GOLGA3: variants seen among roughly 807,000 people sequenced by gnomAD.
The protein encoded by GOLGA3 is golgin A3.
Under a neutral mutation model 169.4 loss-of-function variants are expected in GOLGA3, and 75 were observed. That is an observed-to-expected ratio of 0.44 (90% confidence interval 0.37 to 0.54). The LOEUF is 0.54. GOLGA3 is among the 20% of genes least tolerant of loss of function. The probability of loss-of-function intolerance (pLI) is 0.00; values close to 1 mark genes in which losing one functional copy is unlikely to be tolerated. For synonymous variants in GOLGA3, 824 were observed against 822.4 expected (o/e 1.00, Z -0.03); for missense variants, 1,899 against 1,930.0 (o/e 0.98, Z 0.30).
In GOLGA3 at chr12:132,786,785, C is replaced by A. The variant is rs372071151; in HGVS notation, c.2814G>T (p.Ser938=). The A allele has an allele frequency of 6.2e-7, 1 of 1,606,892 alleles. No homozygotes were observed. Among genetic ancestry groups the A allele is most frequent in the African/African-American group, 1.3e-5 (1 of 74,706 alleles). ...CCATCTGCTCCTTATCGAACTGCAA[C>A]GACTGTGGAAGGGAAGGAGGGCGTG... is the stretch of plus-strand genomic sequence containing the variant. The part of the protein sequence containing the change: ...ERDEMETHLQ[S]LQFDKEQMVA... Residue 938 remains serine, a splice_region_variant and synonymous_variant, in exon 14 of 24, where the codon TCG becomes TCT. Transcript: ENST00000450791.
chr12:132,774,720 T>G (rs1030685071), intron 22 of GOLGA3: 9 of 424,320 alleles, frequency 2.1e-5, no homozygotes, highest in Non-Finnish European at 3.4e-5. Flanking sequence ...TTTCCACAGA[T>G]AAGCACACGA....
chr12:132,798,185 G>T (rs1233180531), intron 9 of GOLGA3, among the ~76,000 whole-genome samples, 155 bp downstream of exon 9: 3 of 133,566 alleles, frequency 2.2e-5, no homozygotes, highest in Non-Finnish European at 4.9e-5. Flanking sequence ...GGGGTGGGGG[G>T]GGGGTCCCAA....
At chr12:132,783,128 G>A (rs1012392593) in intron 16 of GOLGA3, among the ~76,000 whole-genome samples, 3 of 151,896 alleles carry the variant, frequency 2.0e-5, no homozygotes, top group African/African-American at 7.3e-5. Context: ...CCTGGGAAGT[G>A]GAGGCTGTGG....
At position 132,768,981 on chromosome 12, in the gene GOLGA3, A is replaced by T. The variant is rs747126180; in HGVS notation, c.*4124T>A. 4 of 152,682 alleles carry T rather than the reference A, an allele frequency of 2.6e-5. No homozygotes were observed. Among genetic ancestry groups the T allele is most frequent in the Non-Finnish European group, 5.9e-5 (4 of 68,046 alleles). 9.5% of individuals were successfully genotyped at this position (152,682 alleles called of 1,614,324 possible). ...CCCAAGCACACTTACATTTGTAAAAAATCAACGTGCTTTTTAAAGTTACAC... is the reference window on the plus strand; with the variant it reads ...CCCAAGCACACTTACATTTGTAAAATATCAACGTGCTTTTTAAAGTTACAC... On this transcript the variant is annotated 3_prime_UTR_variant, in exon 24 of 24. Transcript: ENST00000450791.
chr12:132,826,240 CA>C (rs752535211), intron 1 of GOLGA3: 77,356 of 704,534 alleles, frequency 0.11, 2 homozygotes, highest in East Asian at 0.18. Context: ...TCTCATTCTC[CA>C]AAAAAAAAAA....
chr12:132,807,859 C>T, intron 5 of GOLGA3, 32 bp downstream of exon 5: 4 of 899,326 alleles, frequency 4.4e-6, no homozygotes, highest in Non-Finnish European at 6.4e-6. Flanking sequence ...CCCACCTCCA[C>T]CCACCCCGCC....
intron 18 of GOLGA3, among the ~76,000 whole-genome samples, chr12:132,779,503 G>A (rs1458826460): frequency 6.6e-6 from 1 of 152,208 alleles, no homozygotes; most frequent in Non-Finnish European, 1.5e-5. Flanking sequence ...CTTAAAGGTT[G>A]TGGCAAAGCC....
rs565525712 is a variant in GOLGA3, at chr12:132,789,056, C to T, written c.2782G>A (p.Glu928Lys). 3 of 1,592,530 alleles carry T rather than the reference C, an allele frequency of 1.9e-6. No homozygotes were observed. The African/African-American group carries it at 4.0e-5, about 21-fold the overall frequency. ...LEGHLQSAQK[E>K]RDEMETHLQS... The stretch of plus-strand genomic sequence containing the variant: ...AAGTGTGTTTCCATCTCGTCTCGCT[C>T]CTTCTGCGCCGACTGGAGATGCCCT... Residue 928 changes from glutamate (E) to lysine (K), a missense_variant, in exon 13 of 24, where the codon GAG (glutamate) becomes AAG (lysine). Transcript: ENST00000450791.
intron 11 of GOLGA3, among the ~76,000 whole-genome samples, chr12:132,795,470 T>C (rs1235288018): frequency 6.7e-6 from 1 of 148,906 alleles, no homozygotes; most frequent in Non-Finnish European, 1.5e-5. Flanking sequence ...CTACTACAAA[T>C]ACAAAAATTA....
intron 20 of GOLGA3, 21 bp downstream of exon 20, chr12:132,776,937 C>G (rs370707866): frequency 5.1e-5 from 80 of 1,562,794 alleles, no homozygotes; most frequent in Non-Finnish European, 6.8e-5. Flanking sequence ...CCCTGCAAGT[C>G]CAGCCCCCGT....
chr12:132,824,132 G>A lies in GOLGA3; in HGVS notation c.-183-1821C>T, dbSNP rs535499813. Among the ~76,000 whole-genome samples the A allele has an allele frequency of 7.2e-5, 11 of 152,276 alleles. No homozygotes were observed. In the South Asian group the frequency reaches 1.9e-3, roughly 26 times the overall value. ...AGAGAAGCCCACGTGGCTGGTCCTC[G>A]AGAGCATGTGTGTCACTGACCCCGC... On this transcript the variant is annotated intron_variant, in intron 1 of 23. Transcript: ENST00000450791.
In GOLGA3 at chr12:132,784,313, G is replaced by T. The variant is rs956787496; in HGVS notation, c.3124-6C>A. ...TCCAGGGCCTGGATCCTTTCCTAAG[G>T]GCCAAGATGGAACGGGCGCTTGGTC... On this transcript the variant is annotated splice_region_variant and splice_polypyrimidine_tract_variant and intron_variant, in intron 15 of 23. Transcript: ENST00000450791. 6.2e-7 allele frequency: 1 copy of T among 1,602,682 alleles called. No homozygotes were observed. The highest frequency in any genetic ancestry group is 1.7e-4 in the Middle Eastern group (1 of 6,036).
At chr12:132,806,038 G>A (rs903068257) in intron 6 of GOLGA3, among the ~76,000 whole-genome samples, 2 of 152,190 alleles carry the variant, frequency 1.3e-5, no homozygotes, top group South Asian at 4.1e-4. Context: ...GCAGAGAATC[G>A]CCAGAGGAAA....
At chr12:132,818,601 G>A (rs1950087718) in intron 2 of GOLGA3, among the ~76,000 whole-genome samples, 2 of 152,296 alleles carry the variant, frequency 1.3e-5, no homozygotes, top group Non-Finnish European at 2.9e-5. Flanking sequence ...TCTTATGAAA[G>A]TCGCCAGTTT....
chr12:132,795,254 G>A (rs1948775945), intron 11 of GOLGA3, among the ~76,000 whole-genome samples: 1 of 152,148 alleles, frequency 6.6e-6, no homozygotes, highest in South Asian at 2.1e-4. Context: ...CACTGTGGGA[G>A]GCGGAGGCAG....
chr12:132,786,936 C>A, intron 13 of GOLGA3, 149 bp from the exon 14 acceptor site: 1 of 625,828 alleles, frequency 1.6e-6, no homozygotes, highest in Non-Finnish European at 2.8e-6. Flanking sequence ...AGAGAGACGT[C>A]TGCCTTCTTA....
intron 3 of GOLGA3, among the ~76,000 whole-genome samples, chr12:132,815,725 G>A (rs1306934527): frequency 6.6e-6 from 1 of 151,792 alleles, no homozygotes; most frequent in Non-Finnish European, 1.5e-5. Context: ...GTGAGACCCC[G>A]TTTCTACACA....
chr12:132,825,122 T>C (rs1950357213), intron 1 of GOLGA3, among the ~76,000 whole-genome samples: 1 of 152,150 alleles, frequency 6.6e-6, no homozygotes. Flanking sequence ...AAAAGAAAAC[T>C]TGCGTTTTGC....
intron 1 of GOLGA3, chr12:132,825,651 G>C (rs1018520444): frequency 2.5e-6 from 2 of 793,840 alleles, no homozygotes; most frequent in East Asian, 4.9e-5. Context: ...CAATGAGGGA[G>C]TCCAGGGAGT....
Sources: gnomAD v4.1 joint callset for allele counts (sites outside exome capture counted in the v4.1 genomes callset) on GRCh38, gnomAD v4.1.1 for gene constraint, MANE v1.5 for transcripts, NCBI Gene and HGNC (gene_info 2026-07-23, HGNC 2026-07-21) for gene names.